The following LMNA variants were observed in gnomAD, a reference collection of about 807,000 sequenced individuals.
The protein encoded by LMNA is lamin.
Under a neutral mutation model 70.4 loss-of-function variants are expected in LMNA, and 20 were observed. That is an observed-to-expected ratio of 0.28 (90% CI 0.20 to 0.41). LMNA has a LOEUF of 0.41. Among genes scored for constraint, LMNA ranks in the 10% least tolerant of loss-of-function variants. The pLI, the probability that LMNA is intolerant of heterozygous loss-of-function variation, is 1.00. For missense variants in LMNA, 652 were observed against 917.2 expected (o/e 0.71, Z 3.73); for synonymous variants, 339 against 372.8 (o/e 0.91, Z 1.04).
Position 156,114,821 on chromosome 1 carries a change from G to C in LMNA, c.-98G>C, listed in dbSNP as rs904723441. ...GGAGCAAGCCGAGAGCCAGCCGGCCGGCGCACTCCGACTCCGAGCAGTCTC... is the reference window on the plus strand; with the variant it reads ...GGAGCAAGCCGAGAGCCAGCCGGCCCGCGCACTCCGACTCCGAGCAGTCTC... On this transcript the variant is annotated 5_prime_UTR_variant, in exon 1 of 12. Coordinates refer to ENST00000368300, the MANE Select transcript of LMNA (RefSeq NM_170707.4). The C allele has an allele frequency of 7.2e-5, 60 of 831,834 alleles. No individual in the cohort carries two copies. The highest frequency in any genetic ancestry group is 1.1e-4 in the Non-Finnish European group (59 of 556,298). The allele number at this position is 831,834 out of a possible 1,614,324, so 51.5% of individuals were successfully genotyped here.
chr1:156,087,140 T>TC (rs1648508425), intron 2 of LMNA, among the ~76,000 whole-genome samples: 1 of 152,170 alleles, frequency 6.6e-6, no homozygotes, highest in East Asian at 1.9e-4. Flanking sequence ...AGAGGTCATC[T>TC]CCCCCATCTT....
chr1:156,104,085 G>A (rs563063580), intron 3 of LMNA, among the ~76,000 whole-genome samples: 1 of 152,358 alleles, frequency 6.6e-6, no homozygotes, highest in East Asian at 1.9e-4. Flanking sequence ...AGATGTCCCA[G>A]AGTAGAGGGA....
At position 156,136,188 on chromosome 1, in the gene LMNA, C is replaced by A; in HGVS notation, c.1158-26C>A. The stretch of plus-strand genomic sequence containing the variant: ...TGGCCGGCAACTGGCCTTGACTAGA[C>A]CCCCACTTGGTCTCCCTCTCCCCAG... On this transcript the variant is annotated intron_variant, in intron 6 of 11. Transcript: ENST00000368300. The surrounding 1 kb of genome is among the most constrained non-coding windows in gnomAD (Gnocchi z 6.1). The A allele has an allele frequency of 1.9e-6, 3 of 1,612,458 alleles. No individual in the cohort carries two copies. Among genetic ancestry groups the A allele is most frequent in the Non-Finnish European group, 2.5e-6 (3 of 1,179,318 alleles).
intron 3 of LMNA, among the ~76,000 whole-genome samples, chr1:156,095,031 C>T (rs1296435367): frequency 1.3e-5 from 2 of 151,680 alleles, no homozygotes; most frequent in East Asian, 3.9e-4. Flanking sequence ...AAGTGATTCT[C>T]CTGCCTCAGC....
At position 156,139,960 on chromosome 1, in the gene LMNA, G is replaced by T. The variant is rs1651970237; in HGVS notation, c.*854G>T. 2.2e-6 allele frequency: 2 copies of T among 903,050 alleles called. No individual in the cohort carries two copies. Among genetic ancestry groups the T allele is most frequent in the South Asian group, 1.8e-5 (1 of 55,362 alleles). 55.9% of individuals were successfully genotyped at this position (903,050 alleles called of 1,614,324 possible). A position where few individuals can be genotyped will look rare whatever the true frequency, so the allele number is the denominator to read the frequency against. Reference sequence around the variant, plus strand: ...CCTGCTGGCACCCACCGTGGAGGAGGAAGGCAAGAGGGGGTGGAGGGGTGT... The same window carrying T: ...CCTGCTGGCACCCACCGTGGAGGAGTAAGGCAAGAGGGGGTGGAGGGGTGT... On this transcript the variant is annotated 3_prime_UTR_variant, in exon 12 of 12. Transcript: ENST00000368300.
At chr1:156,131,269 T>A (rs1354684571) in intron 2 of LMNA, among the ~76,000 whole-genome samples, 1 of 150,120 alleles carries the variant, frequency 6.7e-6, no homozygotes, top group Non-Finnish European at 1.5e-5. Context: ...AGACTCCGTC[T>A]CAAAAAAATA....
At position 156,136,918 on chromosome 1, in the gene LMNA, C is replaced by T; in HGVS notation, c.1381-3C>T. ...ACCTTCCTCTTCCCTATCTTCCCGG[C>T]AGGACCAGTCCATGGGCAATTGGCA... On this transcript the variant is annotated splice_polypyrimidine_tract_variant and splice_region_variant and intron_variant, in intron 7 of 11. Transcript: ENST00000368300. This position sits in a 1 kb window ranked among gnomAD's most constrained non-coding sequence, Gnocchi z 6.1. 1 of 1,613,008 alleles carries T rather than the reference C, an allele frequency of 6.2e-7. No individual in the cohort carries two copies. The highest frequency in any genetic ancestry group is 8.5e-7 in the Non-Finnish European group (1 of 1,179,356).
At chr1:156,127,655 A>G (rs1650708971) in intron 1 of LMNA, among the ~76,000 whole-genome samples, 1 of 149,532 alleles carries the variant, frequency 6.7e-6, no homozygotes, top group Admixed American at 6.7e-5. Context: ...AGTAGCTGGG[A>G]CTACAGGTGC....
chr1:156,126,900 A>G lies in LMNA; in HGVS notation c.357-3717A>G, dbSNP rs148559653. ...CCGGCCTGGGGCAGGACACGGGCGA[A>G]GCCAGGGTCTCCCCTGTGAGCACTA... On this transcript the variant is annotated intron_variant, in intron 1 of 11. Transcript: ENST00000368300. 8.0e-4 allele frequency: 1,284 copies of G among 1,607,428 alleles called. 8 individuals are homozygous for G. In the African/African-American group the frequency reaches 0.015, roughly 19 times the overall value.
chr1:156,089,213 G>C (rs912012215), intron 2 of LMNA, among the ~76,000 whole-genome samples: 1 of 152,152 alleles, frequency 6.6e-6, no homozygotes, highest in Non-Finnish European at 1.5e-5. Flanking sequence ...CTGAGCTCAA[G>C]TGATCCGCCT....
At position 156,140,006 on chromosome 1, in the gene LMNA, C is replaced by T. The variant is rs1651972796; in HGVS notation, c.*900C>T. ...GGTGTGGCAGTGGTTTTGGCAAACGCTAAAGAGCCCTTGCCTCCCCATTTC... is the reference window on the plus strand; with the variant it reads ...GGTGTGGCAGTGGTTTTGGCAAACGTTAAAGAGCCCTTGCCTCCCCATTTC... On this transcript the variant is annotated 3_prime_UTR_variant, in exon 12 of 12. Coordinates refer to ENST00000368300, the MANE Select transcript of LMNA (RefSeq NM_170707.4). 1.7e-6 allele frequency: 1 copy of T among 578,276 alleles called. No homozygotes were observed. The highest frequency in any genetic ancestry group is 3.0e-6 in the Non-Finnish European group (1 of 338,812). 35.8% of individuals were successfully genotyped at this position (578,276 alleles called of 1,614,324 possible).
At position 156,136,139 on chromosome 1, in the gene LMNA, C is replaced by T. The variant is rs372021174; in HGVS notation, c.1157+18C>T. ...GAGGAGAGGTGGGCTGGGGAGACGT[C>T]GGGGAGGTGCTGGCAGTGTCCTCTG... On this transcript the variant is annotated intron_variant, in intron 6 of 11. Coordinates refer to ENST00000368300, the MANE Select transcript of LMNA (RefSeq NM_170707.4). This position sits in a 1 kb window ranked among gnomAD's most constrained non-coding sequence, Gnocchi z 6.1. The T allele has an allele frequency of 3.1e-5, 50 of 1,613,640 alleles. No individual in the cohort carries two copies. The Middle Eastern group carries it at 5.0e-4, about 16-fold the overall frequency.
upstream of LMNA, among the ~76,000 whole-genome samples, chr1:156,111,482 G>A (rs1048721251): frequency 7.9e-5 from 12 of 151,420 alleles, no homozygotes; most frequent in East Asian, 1.2e-3. Flanking sequence ...CAAACCGTCC[G>A]TTGGACCCAA....
At position 156,103,266 on chromosome 1, in the gene LMNA, A is replaced by G. The variant is rs560715519; in HGVS notation, c.-206-11447A>G. Among the ~76,000 whole-genome samples, 3 of 151,998 alleles carry G rather than the reference A, an allele frequency of 2.0e-5. No individual in the cohort carries two copies. Among genetic ancestry groups the G allele is most frequent in the Non-Finnish European group, 4.4e-5 (3 of 67,982 alleles). ...TCCTTCCCGCCCATCTCTGCATCCC[A>G]GTTTCCAGAGGGCCTGTGGCTGAGG... is the stretch of plus-strand genomic sequence containing the variant. On this transcript the variant is annotated intron_variant, in intron 3 of 12. Coordinates refer to the LMNA transcript ENST00000368301. This position sits in a 1 kb window ranked among gnomAD's most constrained non-coding sequence, Gnocchi z 4.7.
chr1:156,122,879 C>A (rs1650292508), intron 1 of LMNA, among the ~76,000 whole-genome samples: 2 of 152,194 alleles, frequency 1.3e-5, no homozygotes, highest in Admixed American at 1.3e-4. Context: ...TTGGCCCCTA[C>A]CAATCCCTTA....
intron 2 of LMNA, among the ~76,000 whole-genome samples, chr1:156,088,706 G>A (rs1648577048): frequency 6.6e-6 from 1 of 152,208 alleles, no homozygotes; most frequent in Admixed American, 6.5e-5. Context: ...CTGGAGTGCA[G>A]TAGCACAATC....
rs762465180 is a variant in LMNA at position 156,135,692 on chromosome 1, G to A, written c.937-209G>A. 1.3e-5 allele frequency: 8 copies of A among 607,466 alleles called. No homozygotes were observed. Among genetic ancestry groups the A allele is most frequent in the Non-Finnish European group, 2.3e-5 (8 of 344,026 alleles). The allele number at this position is 607,466 out of a possible 1,614,324, so 37.6% of individuals were successfully genotyped here. A position where few individuals can be genotyped will look rare whatever the true frequency, so the allele number is the denominator to read the frequency against. On this transcript the variant is annotated intron_variant, in intron 5 of 11. Coordinates refer to ENST00000368300, the MANE Select transcript of LMNA (RefSeq NM_170707.4). This position sits in a 1 kb window ranked among gnomAD's most constrained non-coding sequence, Gnocchi z 4.8. ...TCTAGCCTCAGAACGAGAGGTTTCAGTTAGACAAGGGGAAGGACTTCCCAG... is the reference window on the plus strand; with the variant it reads ...TCTAGCCTCAGAACGAGAGGTTTCAATTAGACAAGGGGAAGGACTTCCCAG...
In LMNA at chr1:156,137,464, C is replaced by T. The variant is rs903310478; in HGVS notation, c.1609-190C>T. 82 of 773,612 alleles carry T rather than the reference C, an allele frequency of 1.1e-4. No homozygotes were observed. Among genetic ancestry groups the T allele is most frequent in the Middle Eastern group, 2.9e-4 (1 of 3,500 alleles). The allele number at this position is 773,612 out of a possible 1,614,324, so 47.9% of individuals were successfully genotyped here. The stretch of plus-strand genomic sequence containing the variant: ...TTAAAGGCAGAGCCATACTCCTACC[C>T]GGAGAGCTTGACAGTGTCCCTCTGG... On this transcript the variant is annotated intron_variant, in intron 9 of 11. Coordinates refer to ENST00000368300, the MANE Select transcript of LMNA (RefSeq NM_170707.4). The surrounding 1 kb of genome is among the most constrained non-coding windows in gnomAD (Gnocchi z 4.6).
intron 3 of LMNA, among the ~76,000 whole-genome samples, chr1:156,093,407 G>A (rs535594778): frequency 2.2e-4 from 32 of 147,154 alleles, no homozygotes; most frequent in African/African-American, 7.4e-4. Flanking sequence ...CCTGGCTCAA[G>A]CCATCCTCTC....
Sources: gnomAD v4.1 joint callset for allele counts (sites outside exome capture counted in the v4.1 genomes callset) on GRCh38, gnomAD v4.1.1 for gene constraint, Gnocchi (gnomAD v3.1) non-coding constraint, MANE v1.5 for transcripts, NCBI Gene and HGNC (gene_info 2026-07-23, HGNC 2026-07-21) for gene names.